Variants in CEP63 observed in about 807,000 individuals in gnomAD.
CEP63 encodes centrosomal protein 63.
In CEP63, 84 loss-of-function variants were observed where a neutral mutation model predicts 89.1. The observed-to-expected ratio is 0.94, with a 90% CI of 0.79 to 1.13. The LOEUF (loss-of-function observed/expected upper bound fraction) is 1.13, where lower values mean the gene tolerates loss of function less well. CEP63 is among the 50% of genes most tolerant of loss of function. The pLI is 0.00. For missense variants in CEP63, 838 were observed against 813.3 expected (o/e 1.03, Z -0.37); for synonymous variants, 267 against 272.5 (o/e 0.98, Z 0.20).
chr3:134,574,116 T>C (rs1451646891), intron 11 of CEP63, among the ~76,000 whole-genome samples: 1 of 152,182 alleles, frequency 6.6e-6, no homozygotes, highest in Non-Finnish European at 1.5e-5. Flanking sequence ...TCTGCAGAGT[T>C]GCAGGGTATG....
intron 3 of CEP63, among the ~76,000 whole-genome samples, chr3:134,509,295 GC>G (rs1171197743): frequency 2.6e-5 from 4 of 152,142 alleles, no homozygotes; most frequent in Non-Finnish European, 4.4e-5. Context: ...AGTGGGAGGT[GC>G]TACACACTTC....
At position 134,563,020 on chromosome 3, in the gene CEP63, C is replaced by T. The variant is rs55901778; in HGVS notation, c.*1485C>T. 0.13 allele frequency: 19,911 copies of T among 152,236 alleles called. 1,539 individuals are homozygous for T. The highest frequency in any genetic ancestry group is 0.2 in the East Asian group (1,020 of 5,172). 9.4% of individuals were successfully genotyped at this position (152,236 alleles called of 1,614,324 possible). A position where few individuals can be genotyped will look rare whatever the true frequency, so the allele number is the denominator to read the frequency against. On this transcript the variant is annotated 3_prime_UTR_variant, in exon 15 of 15. Transcript: ENST00000675561. ...CTCCCCAGAGCTGCTGTCTTAGATA[C>T]CTAGCTGCTTATGCGATGTCTTCAC...
the CEP63 span, among the ~76,000 whole-genome samples, chr3:134,766,009 T>G: frequency 1.3e-5 from 2 of 152,190 alleles, no homozygotes; most frequent in Admixed American, 6.5e-5. Flanking sequence ...GATGAAGGCA[T>G]TAGCTGAGCC....
chr3:134,701,162 T>TAC, the CEP63 span, among the ~76,000 whole-genome samples: 1 of 150,438 alleles, frequency 6.6e-6, no homozygotes, highest in South Asian at 2.1e-4. Context: ...ACATACATTA[T>TAC]ATACATACAT....
chr3:134,706,306 CT>C, the CEP63 span, among the ~76,000 whole-genome samples: 1 of 152,134 alleles, frequency 6.6e-6, no homozygotes, highest in African/African-American at 2.4e-5. Context: ...TTAAAATCAG[CT>C]TGTAGTCTCA....
chr3:134,550,062 G>C lies in CEP63; in HGVS notation c.1183-1G>C. 6.2e-7 allele frequency: 1 copy of C among 1,610,550 alleles called. No homozygotes were observed. Among genetic ancestry groups the C allele is most frequent in the Non-Finnish European group, 8.5e-7 (1 of 1,176,942 alleles). On this transcript the variant is annotated splice_acceptor_variant, in intron 10 of 14. Transcript: ENST00000675561. LOFTEE classifies it high-confidence loss of function. ...GTGCTTTCTTTTCTGCTTCTTTATA[G>C]TTGAAAGAACAGATTTTACAGGGTG...
In CEP63 at chr3:134,531,879, A is replaced by G. The variant is rs760290169; in HGVS notation, c.257A>G (p.Glu86Gly). 1.9e-6 allele frequency: 3 copies of G among 1,613,580 alleles called. No individual in the cohort carries two copies. In the Admixed American group the frequency reaches 5.0e-5, roughly 27 times the overall value. The change falls in exon 4 of 15, where the codon GAA becomes GGA. Residue 86 changes from glutamate to glycine, a missense_variant. By Grantham distance (98) the Glu-to-Gly change is moderately conservative (BLOSUM62 -2). Transcript: ENST00000675561. ...GMLHQQVEEH[E>G]KIKQEMTMEY... ...TTGCATCAGCAGGTAGAAGAACATG[A>G]AAAAATCAAGCAAGAGATGACCATG...
the CEP63 span, among the ~76,000 whole-genome samples, chr3:134,668,277 C>T: frequency 2.0e-5 from 3 of 152,178 alleles, no homozygotes; most frequent in Admixed American, 6.5e-5. Flanking sequence ...CTGTGTAAAC[C>T]CAAGTCTGCA....
chr3:134,575,343 CA>C (rs2110305024), downstream of CEP63, among the ~76,000 whole-genome samples: 1 of 105,446 alleles, frequency 9.5e-6, no homozygotes, highest in Admixed American at 9.0e-5. Flanking sequence ...GACAGGGTCT[CA>C]CTCTATGGCC....
At chr3:134,681,060 G>T in the CEP63 span, among the ~76,000 whole-genome samples, 19 of 152,302 alleles carry the variant, frequency 1.2e-4, no homozygotes, top group East Asian at 3.9e-4. Flanking sequence ...GCAGGACAAG[G>T]TTCAAGGGCT....
chr3:134,604,571 T>C, the CEP63 span: 6 of 1,048,298 alleles, frequency 5.7e-6, no homozygotes, highest in Non-Finnish European at 8.4e-6. Flanking sequence ...AAAAACGTCC[T>C]GACTTATAGA....
chr3:134,777,944 T>C, the CEP63 span, among the ~76,000 whole-genome samples: 1 of 151,888 alleles, frequency 6.6e-6, no homozygotes, highest in African/African-American at 2.4e-5. Flanking sequence ...AAATTATTTT[T>C]CTGGAGGAAA....
rs775623579 is a variant in CEP63 at position 134,549,107 on chromosome 3, A to G, written c.1113A>G (p.Leu371=). 6.2e-7 allele frequency: 1 copy of G among 1,613,474 alleles called. No individual in the cohort carries two copies. Among genetic ancestry groups the G allele is most frequent in the African/African-American group, 1.3e-5 (1 of 74,918 alleles). ...CGTGTAAACAGCTGAGCCAAGAACT[A>G]ATGGAAAAATATGAAGAACTGAAGA... ...SATCKQLSQE[L]MEKYEELKRM... is the part of the protein sequence containing the mutation. Residue 371 remains leucine (L), a synonymous_variant, in exon 10 of 15, where the codon CTA becomes CTG. Transcript: ENST00000675561.
At chr3:134,528,569 C>CGTGTGTGTGCGTGTGT (rs1949197455) in intron 3 of CEP63, among the ~76,000 whole-genome samples, 1 of 147,024 alleles carries the variant, frequency 6.8e-6, no homozygotes, top group African/African-American at 2.5e-5. Flanking sequence ...TGTGTGTGTG[C>CGTGTGTGTGCGTGTGT]GTGTGTGTGT....
chr3:134,751,910 C>T, the CEP63 span, among the ~76,000 whole-genome samples: 1 of 152,150 alleles, frequency 6.6e-6, no homozygotes, highest in African/African-American at 2.4e-5. Flanking sequence ...TTCTTATAGT[C>T]CACAAAGACA....
At chr3:134,701,346 A>G in the CEP63 span, among the ~76,000 whole-genome samples, 2 of 19,674 alleles carry the variant, frequency 1.0e-4, 1 homozygote, top group South Asian at 6.3e-3. Context: ...ACATATACGT[A>G]TATATGTGTA....
At chr3:134,668,524 G>A in the CEP63 span, among the ~76,000 whole-genome samples, 1 of 152,160 alleles carries the variant, frequency 6.6e-6, no homozygotes, top group Non-Finnish European at 1.5e-5. Context: ...AGAGTGGAGA[G>A]CAGAACTAGG....
intron 3 of CEP63, among the ~76,000 whole-genome samples, chr3:134,517,316 T>C (rs1020748431): frequency 6.6e-5 from 10 of 152,184 alleles, no homozygotes; most frequent in Admixed American, 5.2e-4. Context: ...GAAAATCCTC[T>C]TTCTGTCTTA....
intron 6 of CEP63, among the ~76,000 whole-genome samples, chr3:134,545,330 C>T (rs538578457): frequency 6.6e-6 from 1 of 151,944 alleles, no homozygotes; most frequent in African/African-American, 2.4e-5. Flanking sequence ...AGGGTTTCGC[C>T]ATGTTTCCAG....
Sources: gnomAD v4.1 joint callset for allele counts (sites outside exome capture counted in the v4.1 genomes callset) on GRCh38, gnomAD v4.1.1 for gene constraint, MANE v1.5 for transcripts, NCBI Gene and HGNC (gene_info 2026-07-23, HGNC 2026-07-21) for gene names.